The following PAK5 variants were observed in gnomAD, a reference collection of about 807,000 sequenced individuals.
PAK5 encodes p21 (RAC1) activated kinase 5.
In PAK5, 16 loss-of-function variants were observed where a neutral mutation model predicts 65.9. The ratio of observed to expected loss-of-function variants is 0.24; its 90% CI spans 0.16 to 0.37. The LOEUF (loss-of-function observed/expected upper bound fraction) is 0.37, where lower values mean the gene tolerates loss of function less well. PAK5 is among the 10% of genes least tolerant of loss of function. The pLI, the probability that PAK5 is intolerant of heterozygous loss-of-function variation, is 1.00. For synonymous variants in PAK5, 371 were observed against 354.9 expected (o/e 1.05, Z -0.51); for missense variants, 785 against 903.9 (o/e 0.87, Z 1.69).
At chr20:9,620,501 C>G (rs1390178086) in intron 3 of PAK5, among the ~76,000 whole-genome samples, 1 of 152,192 alleles carries the variant, frequency 6.6e-6, no homozygotes, top group East Asian at 1.9e-4. Flanking sequence ...ACCAGCAAGG[C>G]TTGGGTGCTG....
At chr20:9,692,518 A>G (rs1178772886) in intron 2 of PAK5, among the ~76,000 whole-genome samples, 1 of 152,166 alleles carries the variant, frequency 6.6e-6, no homozygotes, top group African/African-American at 2.4e-5. Context: ...TATAATTTAA[A>G]TTAAGGAGTT....
intron 2 of PAK5, among the ~76,000 whole-genome samples, chr20:9,644,846 T>C (rs1297273381): frequency 1.3e-5 from 2 of 152,122 alleles, no homozygotes; most frequent in African/African-American, 4.8e-5. Context: ...GACTCGCAAA[T>C]GAGAAATAAA....
intron 1 of PAK5, among the ~76,000 whole-genome samples, chr20:9,816,550 T>G (rs760866481): frequency 9.2e-5 from 14 of 152,170 alleles, no homozygotes; most frequent in Admixed American, 5.2e-4. Flanking sequence ...CAGAGGAAGG[T>G]TGAATCTGCT....
At position 9,539,382 on chromosome 20, in the gene PAK5, G is replaced by A; in HGVS notation, c.*80C>T. 7.1e-7 allele frequency: 1 copy of A among 1,400,430 alleles called. No homozygotes were observed. Among genetic ancestry groups the A allele is most frequent in the Non-Finnish European group, 1.0e-6 (1 of 998,276 alleles). The allele number at this position is 1,400,430 out of a possible 1,614,324, so 86.8% of individuals were successfully genotyped here. On this transcript the variant is annotated 3_prime_UTR_variant, in exon 10 of 10. Coordinates refer to ENST00000353224, the MANE Select transcript of PAK5 (RefSeq NM_177990.4). Reference sequence around the variant, plus strand: ...CTGGTCTAGAATGCACAGGCCTTTTGCATGTTCTGTGTTTCCTTTTGTTCT... The same window carrying A: ...CTGGTCTAGAATGCACAGGCCTTTTACATGTTCTGTGTTTCCTTTTGTTCT...
chr20:9,829,313 T>C (rs897849426), intron 1 of PAK5, among the ~76,000 whole-genome samples: 21 of 152,332 alleles, frequency 1.4e-4, no homozygotes, highest in African/African-American at 5.1e-4. Context: ...ATCTAGTGAC[T>C]TTTAAATTAT....
chr20:9,771,407 AAAAAT>A, intron 1 of PAK5, among the ~76,000 whole-genome samples: 1 of 143,172 alleles, frequency 7.0e-6, no homozygotes, highest in Admixed American at 6.7e-5. Flanking sequence ...TATAATTTAA[AAAAAT>A]TTTTTTTTTT....
intron 3 of PAK5, among the ~76,000 whole-genome samples, chr20:9,609,299 A>G (rs1181338408): frequency 6.6e-6 from 1 of 152,202 alleles, no homozygotes; most frequent in African/African-American, 2.4e-5. Context: ...TGAAGACATC[A>G]CCTGCAGTTG....
intron 1 of PAK5, among the ~76,000 whole-genome samples, chr20:9,758,329 C>A (rs1190750563): frequency 6.6e-6 from 1 of 152,088 alleles, no homozygotes; most frequent in Non-Finnish European, 1.5e-5. Context: ...ACACATGTGG[C>A]CAAAACATTA....
chr20:9,606,402 C>T (rs769375925), intron 3 of PAK5, among the ~76,000 whole-genome samples: 5 of 152,116 alleles, frequency 3.3e-5, no homozygotes, highest in African/African-American at 7.2e-5. Context: ...TTATAAATTA[C>T]CCAGTCTTAG....
chr20:9,672,719 T>TCTGTTGA (rs2047517004), intron 2 of PAK5, among the ~76,000 whole-genome samples: 2 of 152,148 alleles, frequency 1.3e-5, no homozygotes, highest in Admixed American at 1.3e-4. Flanking sequence ...ATACACTCAG[T>TCTGTTGA]AAATCCTAAA....
At chr20:9,622,345 A>G (rs183522592) in intron 3 of PAK5, among the ~76,000 whole-genome samples, 1 of 152,300 alleles carries the variant, frequency 6.6e-6, no homozygotes, top group Admixed American at 6.5e-5. Context: ...CAAAAATTCA[A>G]TTCTGAGTCA....
At chr20:9,653,437 T>C (rs2047226302) in intron 2 of PAK5, among the ~76,000 whole-genome samples, 1 of 152,242 alleles carries the variant, frequency 6.6e-6, no homozygotes, top group African/African-American at 2.4e-5. Context: ...TATTCTCATT[T>C]TTGACACTCA....
chr20:9,563,126 T>C, intron 5 of PAK5, 102 bp from the exon 6 acceptor site: 2 of 1,010,412 alleles, frequency 2.0e-6, no homozygotes, highest in Non-Finnish European at 3.0e-6. Context: ...TGAGAGGTAC[T>C]GATTGTGGGG....
chr20:9,727,007 C>T (rs1039298379), intron 1 of PAK5, among the ~76,000 whole-genome samples: 1 of 152,110 alleles, frequency 6.6e-6, no homozygotes, highest in African/African-American at 2.4e-5. Flanking sequence ...AAATCTAGTG[C>T]AGTTCCTGAA....
Position 9,538,454 on chromosome 20 carries a change from T to C in PAK5, c.*1008A>G. The C allele has an allele frequency of 4.3e-6, 1 of 233,596 alleles. No individual in the cohort carries two copies. Among genetic ancestry groups the C allele is most frequent in the Non-Finnish European group, 8.5e-6 (1 of 117,986 alleles). The allele number at this position is 233,596 out of a possible 1,614,324, so 14.5% of individuals were successfully genotyped here. A position where few individuals can be genotyped will look rare whatever the true frequency, so the allele number is the denominator to read the frequency against. ...AAACCAAACGTCTTGCCCTGTTCTCTCCTCTCCCTTTGTGAGCCTGGAATT... is the reference window on the plus strand; with the variant it reads ...AAACCAAACGTCTTGCCCTGTTCTCCCCTCTCCCTTTGTGAGCCTGGAATT... On this transcript the variant is annotated 3_prime_UTR_variant, in exon 10 of 10. Coordinates refer to ENST00000353224, the MANE Select transcript of PAK5 (RefSeq NM_177990.4).
At chr20:9,784,586 T>C (rs541573412) in intron 1 of PAK5, 1 of 152,244 alleles carries the variant, frequency 6.6e-6, no homozygotes, top group African/African-American at 2.4e-5. Context: ...TAGAAATGTT[T>C]TGAATATACA....
At chr20:9,556,062 T>G (rs2045501420) in intron 7 of PAK5, among the ~76,000 whole-genome samples, 1 of 152,232 alleles carries the variant, frequency 6.6e-6, no homozygotes, top group Non-Finnish European at 1.5e-5. Flanking sequence ...GCACAAATAC[T>G]GGCTCAGAGA....
At chr20:9,677,870 G>T (rs6108328) in intron 2 of PAK5, among the ~76,000 whole-genome samples, 2 of 152,032 alleles carry the variant, frequency 1.3e-5, no homozygotes, top group Non-Finnish European at 2.9e-5. Context: ...AATTGTAGTA[G>T]GTATTAGGCC....
In PAK5 at chr20:9,541,187, T is replaced by C. The variant is rs548806447; in HGVS notation, c.2004+1399A>G. Among the ~76,000 whole-genome samples the C allele has an allele frequency of 2.0e-5, 3 of 152,302 alleles. No individual in the cohort carries two copies. In the East Asian group the frequency reaches 5.8e-4, roughly 29 times the overall value. On this transcript the variant is annotated intron_variant, in intron 9 of 9. Transcript: ENST00000353224. ...GGTGAGGAAGGAGGAGATATTACCA[T>C]TACAAATAATTCTCCTCCAAAAGGC...
Sources: allele counts gnomAD v4.1 joint callset (sites outside exome capture counted in the v4.1 genomes callset), GRCh38; gene constraint gnomAD v4.1.1; transcripts MANE v1.5; gene names NCBI Gene and HGNC (gene_info 2026-07-23, HGNC 2026-07-21).